PRKD2: variants seen among roughly 807,000 people sequenced by gnomAD.
PRKD2 encodes protein kinase D2, also known as serine/threonine-protein kinase D2.
PRKD2 carries 22 observed loss-of-function variants against 86.0 expected under a neutral mutation model. That is an observed-to-expected ratio of 0.26 (90% CI 0.18 to 0.37). The LOEUF (loss-of-function observed/expected upper bound fraction) is 0.37. Ranked by LOEUF, PRKD2 falls within the 10% of genes least tolerant of loss-of-function variation. PRKD2 has a pLI of 1.00. For missense variants in PRKD2, 818 were observed against 1,199.2 expected (o/e 0.68, Z 4.70); for synonymous variants, 509 against 510.9 (o/e 1.00, Z 0.05).
chr19:46,699,371 C>T (rs932389672), intron 7 of PRKD2, among the ~76,000 whole-genome samples: 1 of 152,246 alleles, frequency 6.6e-6, no homozygotes, highest in Non-Finnish European at 1.5e-5. Flanking sequence ...TGTCTCCCCA[C>T]TGAGGCAGTC....
At position 46,716,564 on chromosome 19, in the gene PRKD2, G is replaced by A. The variant is rs1275033331; in HGVS notation, c.-194C>T. The A allele has an allele frequency of 2.3e-6, 1 of 432,144 alleles. No individual in the cohort carries two copies. The highest frequency in any genetic ancestry group is 2.1e-5 in the African/African-American group (1 of 48,470). The allele number at this position is 432,144 out of a possible 1,614,324, so 26.8% of individuals were successfully genotyped here. A position where few individuals can be genotyped will look rare whatever the true frequency, so the allele number is the denominator to read the frequency against. Reference sequence around the variant, plus strand: ...GGAAGGAGAGAAAGGCACTATAGTGGGTCAGAGGCCCGGAATCCAGGGCTC... The same window carrying A: ...GGAAGGAGAGAAAGGCACTATAGTGAGTCAGAGGCCCGGAATCCAGGGCTC... On this transcript the variant is annotated 5_prime_UTR_variant, in exon 1 of 18. Transcript: ENST00000291281. The surrounding 1 kb of genome is among the most constrained non-coding windows in gnomAD (Gnocchi z 7.9).
At chr19:46,699,907 AC>A (rs201483917) in intron 7 of PRKD2, among the ~76,000 whole-genome samples, 1 of 138,604 alleles carries the variant, frequency 7.2e-6, no homozygotes, top group African/African-American at 2.8e-5. Context: ...ACATAGCAAG[AC>A]CCCCTATCTT....
At position 46,704,266 on chromosome 19, in the gene PRKD2, C is replaced by T. The variant is rs369213466; in HGVS notation, c.792G>A (p.Pro264=). ...DKMLLSKVKV[P]HTFLIHSYTR... The stretch of plus-strand genomic sequence containing the variant: ...TATAGCTGTGGATGAGGAAGGTGTG[C>T]GGCACCTTGACCTTGGAGAGCAGCA... The change falls in exon 5 of 18, where the codon CCG becomes CCA. Residue 264 remains proline, a synonymous_variant. Coordinates refer to ENST00000291281, the MANE Select transcript of PRKD2 (RefSeq NM_016457.5). The T allele has an allele frequency of 3.0e-5, 48 of 1,614,066 alleles. No individual in the cohort carries two copies. The Middle Eastern group carries it at 4.9e-4, about 17-fold the overall frequency.
Position 46,706,892 on chromosome 19 carries a change from C to CTT in PRKD2, c.512-2245_512-2244dup, listed in dbSNP as rs574385292. Reference sequence around the variant, plus strand: ...ACAGGATATTGGAGAAACTGGATTTCTTTTTTTTTTTTTTTTTTGAGACGG... The same window carrying CTT: ...ACAGGATATTGGAGAAACTGGATTTCTTTTTTTTTTTTTTTTTTTTGAGACGG... On this transcript the variant is annotated intron_variant, in intron 3 of 17. Transcript: ENST00000291281. 4.1e-3 allele frequency among the ~76,000 whole-genome samples: 552 copies of CTT among 134,182 alleles called. 3 individuals are homozygous for CTT. The highest frequency in any genetic ancestry group is 0.014 in the African/African-American group (508 of 36,264). 88.0% of individuals were successfully genotyped at this position (134,182 alleles called of 152,430 possible).
chr19:46,708,760 T>G (rs1260927177), intron 3 of PRKD2, among the ~76,000 whole-genome samples: 2 of 152,138 alleles, frequency 1.3e-5, no homozygotes, highest in East Asian at 3.9e-4. Flanking sequence ...TTCCAGCCTC[T>G]CACAATTCCA....
chr19:46,714,368 C>A, intron 1 of PRKD2: 1 of 954,904 alleles, frequency 1.0e-6, no homozygotes, highest in Non-Finnish European at 1.3e-6. Context: ...ACACCCGCCC[C>A]CCAGCTTCCT....
chr19:46,693,365 G>C lies in PRKD2; in HGVS notation c.1576+510C>G, dbSNP rs951258820. ...AGGACTTATCAGCACCTGGGACAAG[G>C]CTCATGGAGGGGAAGTGATATGCCC... On this transcript the variant is annotated intron_variant, in intron 10 of 17. Coordinates refer to ENST00000291281, the MANE Select transcript of PRKD2 (RefSeq NM_016457.5). The surrounding 1 kb of genome is among the most constrained non-coding windows in gnomAD (Gnocchi z 4.5). 9.9e-5 allele frequency among the ~76,000 whole-genome samples: 15 copies of C among 152,228 alleles called. No homozygotes were observed. Among genetic ancestry groups the C allele is most frequent in the Non-Finnish European group, 1.6e-4 (11 of 68,034 alleles).
intron 14 of PRKD2, among the ~76,000 whole-genome samples, chr19:46,688,459 G>A (rs1225386437): frequency 2.1e-5 from 3 of 139,634 alleles, no homozygotes; most frequent in East Asian, 4.1e-4. Flanking sequence ...TTTTTGAGAC[G>A]AAGTTTCACT....
At chr19:46,683,727 A>G (rs2053350978) in intron 14 of PRKD2, among the ~76,000 whole-genome samples, 2 of 152,162 alleles carry the variant, frequency 1.3e-5, no homozygotes, top group African/African-American at 4.8e-5. Context: ...CAGAAAAAAA[A>G]AGAGTACCAA....
At chr19:46,700,717 G>A (rs2053623025) in intron 7 of PRKD2, 82 bp downstream of exon 7, 10 of 1,512,396 alleles carry the variant, frequency 6.6e-6, no homozygotes, top group Admixed American at 2.0e-5. Context: ...GGTGATGTCA[G>A]CCCATTGTAG....
At position 46,674,715 on chromosome 19, in the gene PRKD2, G is replaced by A. The variant is rs765632071; in HGVS notation, c.2445C>T (p.Asp815=). 5.0e-6 allele frequency: 8 copies of A among 1,604,898 alleles called. No individual in the cohort carries two copies. In the Admixed American group the frequency reaches 8.3e-5, roughly 17 times the overall value. Reference sequence around the variant, plus strand: ...CCATCTTCCCCTCCAGCTCTCGGAGGTCCAGCCACGTCTGGTACTCCTGGG... The same window carrying A: ...CCATCTTCCCCTCCAGCTCTCGGAGATCCAGCCACGTCTGGTACTCCTGGG... ...PWLQEYQTWL[D]LRELEGKMGE... The change falls in exon 18 of 18, where the codon GAC becomes GAT. Residue 815 remains aspartate (D), a synonymous_variant. Coordinates refer to ENST00000291281, the MANE Select transcript of PRKD2 (RefSeq NM_016457.5).
chr19:46,713,753 G>A (rs549892213), intron 2 of PRKD2, 110 bp downstream of exon 2: 1 of 1,067,568 alleles, frequency 9.4e-7, no homozygotes, highest in Non-Finnish European at 1.3e-6. Flanking sequence ...TCACAGGCGT[G>A]AGCCACTACA....
At chr19:46,706,407 T>C (rs2053714816) in intron 3 of PRKD2, among the ~76,000 whole-genome samples, 3 of 152,176 alleles carry the variant, frequency 2.0e-5, no homozygotes, top group Admixed American at 1.3e-4. Flanking sequence ...CATGCTGTAA[T>C]CACGGAGGCA....
chr19:46,694,742 C>T (rs2053532549), intron 9 of PRKD2, among the ~76,000 whole-genome samples: 1 of 152,246 alleles, frequency 6.6e-6, no homozygotes, highest in Non-Finnish European at 1.5e-5. Flanking sequence ...CAAGCTGTAT[C>T]CCCATCACAT....
chr19:46,689,500 G>A, intron 14 of PRKD2, 37 bp downstream of exon 14: 1 of 1,563,496 alleles, frequency 6.4e-7, no homozygotes, highest in Non-Finnish European at 8.7e-7. Flanking sequence ...GACACCTGAT[G>A]GGGAGGGGCG....
chr19:46,711,575 T>G (rs2053809629), intron 2 of PRKD2, among the ~76,000 whole-genome samples: 1 of 151,956 alleles, frequency 6.6e-6, no homozygotes, highest in Non-Finnish European at 1.5e-5. Flanking sequence ...GTATTTTTAG[T>G]AGAGACGGAG....
intron 2 of PRKD2, among the ~76,000 whole-genome samples, chr19:46,712,249 A>C (rs2053820323): frequency 6.6e-6 from 1 of 151,418 alleles, no homozygotes; most frequent in Non-Finnish European, 1.5e-5. Flanking sequence ...GCCTCAAAAC[A>C]AAATAACAGG....
At chr19:46,705,914 A>G (rs554313218) in intron 3 of PRKD2, among the ~76,000 whole-genome samples, 66 of 152,250 alleles carry the variant, frequency 4.3e-4, no homozygotes, top group African/African-American at 1.5e-3. Flanking sequence ...CTGAAGCACA[A>G]TGGCACAATC....
At chr19:46,711,154 C>G in intron 2 of PRKD2, 116 bp from the exon 3 acceptor site, 1 of 1,384,266 alleles carries the variant, frequency 7.2e-7, no homozygotes, top group Non-Finnish European at 9.7e-7. Context: ...TCTTTCCTTC[C>G]TTCCTTCATT....
Sources: gnomAD v4.1 joint callset for allele counts (sites outside exome capture counted in the v4.1 genomes callset) on GRCh38, gnomAD v4.1.1 for gene constraint, Gnocchi (gnomAD v3.1) non-coding constraint, MANE v1.5 for transcripts, NCBI Gene and HGNC (gene_info 2026-07-23, HGNC 2026-07-21) for gene names.